The following ZFHX3 variants were observed in gnomAD, a reference collection of about 807,000 sequenced individuals.
The protein encoded by ZFHX3 is zinc finger homeobox 3, also known as zinc finger homeobox protein 3.
ZFHX3 carries 42 observed loss-of-function variants against 279.1 expected under a neutral mutation model. The observed-to-expected ratio is 0.15, with a 90% CI of 0.12 to 0.19. The LOEUF is 0.19. Among genes scored for constraint, ZFHX3 ranks in the 10% least tolerant of loss-of-function variants. ZFHX3 has a pLI of 1.00. For synonymous variants in ZFHX3, 2,293 were observed against 1,957.8 expected (o/e 1.17, Z -4.52); for missense variants, 4,981 against 4,754.0 (o/e 1.05, Z -1.40).
chr16:72,822,558 T>C (rs1346325134), intron 5 of ZFHX3, among the ~76,000 whole-genome samples: 3 of 152,152 alleles, frequency 2.0e-5, no homozygotes, highest in South Asian at 2.1e-4. Flanking sequence ...ATCATGATTA[T>C]AATAACAGAG....
chr16:73,168,201 GTTTCTTTTGTTTTCTTTC>G (rs1967420541), intron 5 of ZFHX3, among the ~76,000 whole-genome samples: 1 of 122,344 alleles, frequency 8.2e-6, no homozygotes, highest in Admixed American at 8.1e-5. Flanking sequence ...TAACACTATA[GTTTCTTTTGTTTTCTTTC>G]TTTCTTTCTT....
intron 1 of ZFHX3, among the ~76,000 whole-genome samples, chr16:72,989,411 G>A (rs1402448738): frequency 6.6e-6 from 1 of 151,782 alleles, no homozygotes; most frequent in Non-Finnish European, 1.5e-5. Context: ...GAACCCAGGA[G>A]GTGGAAGTTG....
chr16:73,805,519 T>C (rs948122159), intron 1 of ZFHX3, among the ~76,000 whole-genome samples: 17 of 152,190 alleles, frequency 1.1e-4, no homozygotes, highest in African/African-American at 3.9e-4. Context: ...TGCCACCTTC[T>C]AGAAGGTAAG....
At chr16:72,855,418 T>C (rs1597314420) in intron 4 of ZFHX3, among the ~76,000 whole-genome samples, 1 of 152,244 alleles carries the variant, frequency 6.6e-6, no homozygotes, top group Non-Finnish European at 1.5e-5. Context: ...AGACCCATTA[T>C]AGAAGGGCAG....
At chr16:73,123,651 T>G (rs1165500378) in intron 7 of ZFHX3, 1 of 152,034 alleles carries the variant, frequency 6.6e-6, no homozygotes, top group African/African-American at 2.4e-5. Context: ...TCTCTAAGTT[T>G]TGGATATTTT....
In ZFHX3 at chr16:73,660,764, C is replaced by T. The variant is rs149302709; in HGVS notation, c.-1547+19416G>A. On this transcript the variant is annotated intron_variant, in intron 2 of 17. Coordinates refer to the ZFHX3 transcript ENST00000641206. ...AATGTGACAGGTGGGTTAGTTAATT[C>T]CTTTATTGCATAAGTTAATCAGAAA... 2.9e-4 allele frequency among the ~76,000 whole-genome samples: 44 copies of T among 152,188 alleles called. No individual in the cohort carries two copies. The East Asian group carries it at 7.7e-3, about 27-fold the overall frequency.
intron 1 of ZFHX3, among the ~76,000 whole-genome samples, chr16:73,756,336 C>T (rs371379453): frequency 6.6e-5 from 10 of 152,076 alleles, no homozygotes; most frequent in Admixed American, 1.3e-4. Context: ...AGGCCTAATC[C>T]GGTAAAAATT....
At chr16:73,424,509 C>T (rs2017775252) in intron 3 of ZFHX3, among the ~76,000 whole-genome samples, 1 of 152,008 alleles carries the variant, frequency 6.6e-6, no homozygotes, top group Admixed American at 6.6e-5. Flanking sequence ...CTTCGGGAGG[C>T]CCAGGTGGGA....
At chr16:73,599,020 C>T (rs774388080) in intron 2 of ZFHX3, among the ~76,000 whole-genome samples, 23 of 152,206 alleles carry the variant, frequency 1.5e-4, no homozygotes, top group Non-Finnish European at 3.1e-4. Flanking sequence ...CTCAGCCTCC[C>T]AAAGTGCTGG....
intron 4 of ZFHX3, among the ~76,000 whole-genome samples, chr16:72,853,808 A>G (rs1242148679): frequency 6.6e-6 from 1 of 152,060 alleles, no homozygotes; most frequent in African/African-American, 2.4e-5. Context: ...AAAGGGAGAG[A>G]ATGAAGAAAT....
At chr16:73,245,911 G>A (rs945522510) in intron 5 of ZFHX3, among the ~76,000 whole-genome samples, 1 of 152,180 alleles carries the variant, frequency 6.6e-6, no homozygotes, top group Non-Finnish European at 1.5e-5. Flanking sequence ...GGAACCTTAA[G>A]AGGGTTGAGT....
intron 2 of ZFHX3, among the ~76,000 whole-genome samples, chr16:73,482,931 G>A (rs1410664678): frequency 6.6e-6 from 1 of 152,110 alleles, no homozygotes; most frequent in Non-Finnish European, 1.5e-5. Flanking sequence ...AGCTTGAAGG[G>A]AAAAAATTAT....
In ZFHX3 at chr16:72,795,188, G is replaced by A. The variant is rs781612884; in HGVS notation, c.7494C>T (p.Ser2498=). 2 of 1,607,706 alleles carry A rather than the reference G, an allele frequency of 1.2e-6. No individual in the cohort carries two copies. Among genetic ancestry groups the A allele is most frequent in the South Asian group, 2.2e-5 (2 of 89,892 alleles). Residue 2498 remains serine, a synonymous_variant, in exon 9 of 10, where the codon AGC becomes AGT. Coordinates refer to ENST00000268489, the MANE Select transcript of ZFHX3 (RefSeq NM_006885.4). ...GGTGGGAGAGCTGGGAAGGACTGGG[G>A]CTCGACTGGGGTAAGGGGCACTGTG... ...PPPQCPLPQS[S]PSPSQLSHLP...
At chr16:73,468,636 C>T (rs1182658552) in intron 2 of ZFHX3, among the ~76,000 whole-genome samples, 4 of 152,076 alleles carry the variant, frequency 2.6e-5, no homozygotes, top group Admixed American at 1.3e-4. Context: ...TCTTGGAAGG[C>T]TGAAGTATGA....
intron 3 of ZFHX3, among the ~76,000 whole-genome samples, chr16:72,918,740 G>A (rs1205939373): frequency 6.7e-6 from 1 of 150,374 alleles, no homozygotes; most frequent in African/African-American, 2.5e-5. Flanking sequence ...CTGTCTCCCA[G>A]GCTGGAGCGC....
At chr16:72,866,410 C>T (rs1199014091) in intron 4 of ZFHX3, among the ~76,000 whole-genome samples, 3 of 152,124 alleles carry the variant, frequency 2.0e-5, no homozygotes, top group Admixed American at 2.0e-4. Context: ...CAATTGGGAG[C>T]CCCTGAAACA....
chr16:73,143,190 T>A (rs908665905), intron 6 of ZFHX3, among the ~76,000 whole-genome samples: 2 of 151,886 alleles, frequency 1.3e-5, no homozygotes, highest in Non-Finnish European at 1.5e-5. Context: ...GTTGGACGGA[T>A]CCCTTGACGG....
chr16:73,722,554 T>C (rs114360625), intron 1 of ZFHX3, among the ~76,000 whole-genome samples: 257 of 152,348 alleles, frequency 1.7e-3, no homozygotes, highest in African/African-American at 6.0e-3. Flanking sequence ...CAGCGTACTC[T>C]ATGAAATACA....
At chr16:72,824,031 G>A (rs1035731969) in intron 5 of ZFHX3, among the ~76,000 whole-genome samples, 1 of 152,110 alleles carries the variant, frequency 6.6e-6, no homozygotes, top group Admixed American at 6.5e-5. Context: ...CCCATACAAA[G>A]GCATCTCTAT....
Sources: allele counts gnomAD v4.1 joint callset (sites outside exome capture counted in the v4.1 genomes callset), GRCh38; gene constraint gnomAD v4.1.1; transcripts MANE v1.5; gene names NCBI Gene and HGNC (gene_info 2026-07-23, HGNC 2026-07-21).